The following TMEFF2 variants were observed in gnomAD, a reference collection of about 807,000 sequenced individuals.
TMEFF2 encodes the protein transmembrane protein with EGF like and two follistatin like domains 2, also known as tomoregulin-2.
TMEFF2 carries 28 observed loss-of-function variants against 53.8 expected under a neutral mutation model. That is an observed-to-expected ratio of 0.52 (90% CI 0.39 to 0.71). The LOEUF is 0.71. Among genes scored for constraint, TMEFF2 ranks in the 30% least tolerant of loss-of-function variants. The pLI is 0.00. For missense variants in TMEFF2, 353 were observed against 455.2 expected (o/e 0.78, Z 2.04); for synonymous variants, 162 against 166.3 (o/e 0.97, Z 0.20).
At position 192,059,447 on chromosome 2, in the gene TMEFF2, C is replaced by T. The variant is rs560864220; in HGVS notation, c.440-1672G>A. 8.5e-5 allele frequency among the ~76,000 whole-genome samples: 13 copies of T among 152,232 alleles called. No individual in the cohort carries two copies. The South Asian group carries it at 1.9e-3, about 22-fold the overall frequency. Reference sequence around the variant, plus strand: ...TCAGGGGAGACCGAACAGCTGAGGTCGGTCTCTTTATTACTTTCTGATTAT... The same window carrying T: ...TCAGGGGAGACCGAACAGCTGAGGTTGGTCTCTTTATTACTTTCTGATTAT... On this transcript the variant is annotated intron_variant, in intron 4 of 9. Coordinates refer to ENST00000272771, the MANE Select transcript of TMEFF2 (RefSeq NM_016192.4).
intron 4 of TMEFF2, among the ~76,000 whole-genome samples, chr2:192,133,928 C>G (rs185634044): frequency 3.5e-3 from 537 of 152,278 alleles, no homozygotes; most frequent in East Asian, 0.012. Context: ...CCTTACAAAA[C>G]AACAACTCCT....
At chr2:191,998,346 AATTG>A (rs752396531) in intron 6 of TMEFF2, 25 bp from the exon 7 acceptor site, 15 of 1,515,770 alleles carry the variant, frequency 9.9e-6, no homozygotes, top group African/African-American at 5.6e-5. Context: ...TAACAATAAA[AATTG>A]ATTAACTGCT....
intron 4 of TMEFF2, among the ~76,000 whole-genome samples, chr2:192,106,416 T>C (rs911768168): frequency 2.6e-4 from 40 of 151,794 alleles, no homozygotes; most frequent in African/African-American, 9.4e-4. Context: ...TTTCTTATTA[T>C]AGAATAAATG....
chr2:192,192,050 A>C (rs1268157436), intron 1 of TMEFF2, 61 bp from the exon 2 acceptor site: 35 of 1,216,624 alleles, frequency 2.9e-5, no homozygotes, highest in Non-Finnish European at 4.1e-5. Flanking sequence ...AACAAAAAAA[A>C]GCACTACTTT....
intron 4 of TMEFF2, among the ~76,000 whole-genome samples, chr2:192,098,858 C>T (rs1688973241): frequency 6.6e-6 from 1 of 152,088 alleles, no homozygotes; most frequent in South Asian, 2.1e-4. Context: ...ACTTTGATGA[C>T]ATTTTATTCA....
At chr2:191,972,058 A>G (rs146604349) in intron 7 of TMEFF2, among the ~76,000 whole-genome samples, 1 of 152,150 alleles carries the variant, frequency 6.6e-6, no homozygotes, top group East Asian at 1.9e-4. Flanking sequence ...TGTGCCAGCT[A>G]TGGTGGAGAG....
At chr2:192,106,547 C>G (rs1176018803) in intron 4 of TMEFF2, among the ~76,000 whole-genome samples, 1 of 151,618 alleles carries the variant, frequency 6.6e-6, no homozygotes, top group Non-Finnish European at 1.5e-5. Context: ...CGTGATTTAC[C>G]CATGTGTTAA....
intron 4 of TMEFF2, among the ~76,000 whole-genome samples, chr2:192,096,670 C>CTTTTT (rs1179296312): frequency 1.9e-4 from 10 of 53,684 alleles, no homozygotes; most frequent in African/African-American, 9.4e-4. Flanking sequence ...CTCTCTCTCT[C>CTTTTT]TTTTTTTTTT....
At chr2:192,141,459 G>GAAAAAAAAAAAAAAAAA (rs397987092) in intron 4 of TMEFF2, among the ~76,000 whole-genome samples, 1 of 107,230 alleles carries the variant, frequency 9.3e-6, no homozygotes. Context: ...TCTCAAAAAA[G>GAAAAAAAAAAAAAAAAA]AAAAAAAAAA....
At chr2:192,076,479 C>G (rs1439833308) in intron 4 of TMEFF2, among the ~76,000 whole-genome samples, 2 of 152,136 alleles carry the variant, frequency 1.3e-5, no homozygotes, top group Non-Finnish European at 2.9e-5. Context: ...ACCAATCTCT[C>G]TAGCGTCTTC....
intron 5 of TMEFF2, among the ~76,000 whole-genome samples, chr2:192,038,223 A>T (rs1442945567): frequency 1.3e-5 from 2 of 152,240 alleles, no homozygotes; most frequent in Non-Finnish European, 2.9e-5. Flanking sequence ...AGGTAAGAGT[A>T]CGACCTCTGG....
intron 4 of TMEFF2, among the ~76,000 whole-genome samples, chr2:192,169,406 A>T (rs1271802906): frequency 1.3e-5 from 2 of 152,104 alleles, no homozygotes; most frequent in Non-Finnish European, 2.9e-5. Flanking sequence ...GTTATACTGG[A>T]GTGTCAAGTC....
At chr2:191,972,814 A>G (rs1692687184) in intron 7 of TMEFF2, among the ~76,000 whole-genome samples, 1 of 152,210 alleles carries the variant, frequency 6.6e-6, no homozygotes, top group Non-Finnish European at 1.5e-5. Flanking sequence ...GCTCCAATGT[A>G]TAAACATGAC....
chr2:192,033,207 G>A (rs1037398909), intron 5 of TMEFF2, among the ~76,000 whole-genome samples: 2 of 152,086 alleles, frequency 1.3e-5, no homozygotes, highest in Non-Finnish European at 2.9e-5. Flanking sequence ...GAACAAATAC[G>A]TTCCTCCAAA....
At chr2:191,991,082 A>G (rs1686093943) in intron 7 of TMEFF2, among the ~76,000 whole-genome samples, 1 of 152,130 alleles carries the variant, frequency 6.6e-6, no homozygotes, top group African/African-American at 2.4e-5. Context: ...TAAATATACC[A>G]TACATAAATT....
At chr2:192,169,845 C>T (rs1278488351) in intron 4 of TMEFF2, among the ~76,000 whole-genome samples, 2 of 152,170 alleles carry the variant, frequency 1.3e-5, no homozygotes, top group East Asian at 1.9e-4. Context: ...GGAGCTCTCT[C>T]TTACTGAAAG....
chr2:192,161,852 A>C (rs1397561509), intron 4 of TMEFF2, among the ~76,000 whole-genome samples: 2 of 152,180 alleles, frequency 1.3e-5, no homozygotes, highest in African/African-American at 4.8e-5. Flanking sequence ...AAAGAGAGGA[A>C]GTGTGATTCT....
At chr2:192,003,928 T>TGGGGG (rs372342056) in intron 5 of TMEFF2, among the ~76,000 whole-genome samples, 85 of 119,202 alleles carry the variant, frequency 7.1e-4, no homozygotes, top group African/African-American at 1.2e-3. Context: ...TGTGTGTGTG[T>TGGGGG]GGGGGGGGGG....
intron 7 of TMEFF2, among the ~76,000 whole-genome samples, chr2:191,958,221 G>A (rs879595897): frequency 1.3e-5 from 2 of 152,104 alleles, no homozygotes; most frequent in African/African-American, 4.8e-5. Flanking sequence ...TCACACTGCT[G>A]GTGTAATGAA....
Sources: allele counts gnomAD v4.1 joint callset (sites outside exome capture counted in the v4.1 genomes callset), GRCh38; gene constraint gnomAD v4.1.1; transcripts MANE v1.5; gene names NCBI Gene and HGNC (gene_info 2026-07-23, HGNC 2026-07-21).